The following BLTP1 variants were observed in gnomAD, a reference collection of about 807,000 sequenced individuals.
BLTP1 encodes bridge-like lipid transfer protein family member 1.
the BLTP1 span, among the ~76,000 whole-genome samples, chr4:122,179,622 A>G: frequency 6.6e-6 from 1 of 152,196 alleles, no homozygotes; most frequent in African/African-American, 2.4e-5. Flanking sequence ...AGATACAAAG[A>G]GACAGGTTGC....
At chr4:122,194,063 C>T in the BLTP1 span, among the ~76,000 whole-genome samples, 2 of 152,008 alleles carry the variant, frequency 1.3e-5, no homozygotes, top group Non-Finnish European at 2.9e-5. Flanking sequence ...GGGGTTTCAC[C>T]GTTTTAGCCG....
At chr4:122,259,614 C>T in the BLTP1 span, among the ~76,000 whole-genome samples, 1 of 152,138 alleles carries the variant, frequency 6.6e-6, no homozygotes, top group African/African-American at 2.4e-5. Context: ...ATAATTCCAG[C>T]ACTTTGGGAG....
At chr4:122,237,293 AG>A in the BLTP1 span, 52 of 985,286 alleles carry the variant, frequency 5.3e-5, no homozygotes, top group African/African-American at 8.2e-4. Context: ...TATTTCCCCC[AG>A]CCCCTCAGTT....
At chr4:122,232,164 G>GT in the BLTP1 span, 1 of 963,418 alleles carries the variant, frequency 1.0e-6, no homozygotes, top group Non-Finnish European at 1.2e-6. Flanking sequence ...AGAGTCTGGG[G>GT]TTTTTATCTT....
chr4:122,228,064 C>A, the BLTP1 span, among the ~76,000 whole-genome samples: 4 of 151,912 alleles, frequency 2.6e-5, no homozygotes, highest in Non-Finnish European at 5.9e-5. Flanking sequence ...CAGGCGCCCA[C>A]CACCACGCCC....
the BLTP1 span, chr4:122,243,942 T>A: frequency 1.2e-6 from 2 of 1,611,194 alleles, no homozygotes; most frequent in East Asian, 2.2e-5. Context: ...TCAACCAGTG[T>A]CCCAGACCAG....
At chr4:122,294,798 GT>G in the BLTP1 span, among the ~76,000 whole-genome samples, 1 of 152,200 alleles carries the variant, frequency 6.6e-6, no homozygotes, top group African/African-American at 2.4e-5. Flanking sequence ...GCTTCAGAAG[GT>G]GGGTAATAAT....
the BLTP1 span, chr4:122,301,280 C>G: frequency 1.3e-6 from 2 of 1,545,038 alleles, no homozygotes; most frequent in Non-Finnish European, 1.7e-6. Flanking sequence ...AAAATTGTCC[C>G]GAACTCTTCT....
At chr4:122,347,788 G>A in the BLTP1 span, 2 of 1,604,506 alleles carry the variant, frequency 1.2e-6, no homozygotes, top group African/African-American at 1.3e-5. Flanking sequence ...AGGTAACACT[G>A]CTCTTTTTGT....
chr4:122,244,979 A>C, the BLTP1 span: 9 of 1,596,618 alleles, frequency 5.6e-6, no homozygotes, highest in Non-Finnish European at 6.0e-6. Flanking sequence ...TTGTAGAATC[A>C]ACGACATTTA....
chr4:122,242,962 T>C, the BLTP1 span: 2 of 1,231,796 alleles, frequency 1.6e-6, no homozygotes, highest in African/African-American at 3.0e-5. Context: ...TAGGGAAATA[T>C]ATTAAAAATC....
chr4:122,204,527 T>C, the BLTP1 span: 2 of 984,712 alleles, frequency 2.0e-6, no homozygotes. Flanking sequence ...GTGGAAGACA[T>C]TTAAGAACAA....
At chr4:122,197,324 TA>T in the BLTP1 span, 1 of 1,248,146 alleles carries the variant, frequency 8.0e-7, no homozygotes, top group Non-Finnish European at 1.1e-6. Context: ...GAAATAATTA[TA>T]AATAATAAAG....
At chr4:122,243,922 GGA>G in the BLTP1 span, 1 of 1,610,238 alleles carries the variant, frequency 6.2e-7, no homozygotes. Context: ...ACAGAAGAGT[GGA>G]CCCTGGATCA....
At chr4:122,200,834 C>A in the BLTP1 span, 1 of 771,124 alleles carries the variant, frequency 1.3e-6, no homozygotes, top group Non-Finnish European at 1.6e-6. Context: ...CTAGATGTAG[C>A]CATGGATATT....
the BLTP1 span, chr4:122,272,389 T>G: frequency 6.2e-7 from 1 of 1,610,290 alleles, no homozygotes; most frequent in Non-Finnish European, 8.5e-7. Context: ...GTTTTACTCT[T>G]AAGGAAAAAA....
At chr4:122,230,199 C>G in the BLTP1 span, 1 of 1,612,868 alleles carries the variant, frequency 6.2e-7, no homozygotes, top group African/African-American at 1.3e-5. Flanking sequence ...ACTCATGATG[C>G]CAGAACTAAG....
At chr4:122,254,385 T>G in the BLTP1 span, 1 of 1,478,258 alleles carries the variant, frequency 6.8e-7, no homozygotes. Context: ...CGCTTGATGT[T>G]TCTTTATTTT....
the BLTP1 span, among the ~76,000 whole-genome samples, chr4:122,324,869 A>G: frequency 6.6e-6 from 1 of 150,770 alleles, no homozygotes; most frequent in East Asian, 1.9e-4. Context: ...TAAAAGGTGC[A>G]TACTAGTAGC....
Sources: gnomAD v4.1 joint callset for allele counts (sites outside exome capture counted in the v4.1 genomes callset) on GRCh38, gnomAD v4.1.1 for gene constraint, MANE v1.5 for transcripts, NCBI Gene and HGNC (gene_info 2026-07-23, HGNC 2026-07-21) for gene names.